The following STPG2 variants were observed in gnomAD, a reference collection of about 807,000 sequenced individuals.
STPG2 encodes the protein sperm tail PG-rich repeat containing 2.
A neutral mutation model predicts 54.2 loss-of-function variants in STPG2; 56 were observed. That is an observed-to-expected ratio of 1.03 (90% CI 0.83 to 1.29). The LOEUF is 1.29. Among genes scored for constraint, STPG2 ranks in the 50% most tolerant of loss-of-function variants. The pLI is 0.00. For missense variants in STPG2, 596 were observed against 544.9 expected (o/e 1.09, Z -0.93); for synonymous variants, 200 against 181.8 (o/e 1.10, Z -0.81).
chr4:97,445,128 G>A (rs750055876), intron 4 of STPG2, among the ~76,000 whole-genome samples: 2 of 152,046 alleles, frequency 1.3e-5, no homozygotes, highest in African/African-American at 2.4e-5. Context: ...ATAAGTTGAG[G>A]CTGTGGTTTT....
chr4:97,507,267 C>T (rs914246752), intron 4 of STPG2, among the ~76,000 whole-genome samples: 2 of 151,884 alleles, frequency 1.3e-5, no homozygotes, highest in African/African-American at 4.8e-5. Flanking sequence ...ACTTTAACAC[C>T]AGAATTATGA....
At chr4:97,519,953 C>CTTAT (rs1731148800) in intron 4 of STPG2, among the ~76,000 whole-genome samples, 4 of 151,896 alleles carry the variant, frequency 2.6e-5, no homozygotes, top group African/African-American at 4.8e-5. Flanking sequence ...GTTGTGTAAC[C>CTTAT]TTGAGTAAGT....
At chr4:97,907,027 C>T (rs1233329239) in intron 8 of STPG2, among the ~76,000 whole-genome samples, 1 of 150,952 alleles carries the variant, frequency 6.6e-6, no homozygotes, top group African/African-American at 2.4e-5. Context: ...GGCAATTAGG[C>T]AGGAGAAGGA....
At chr4:97,542,887 C>T (rs1731750343) in intron 4 of STPG2, among the ~76,000 whole-genome samples, 1 of 152,084 alleles carries the variant, frequency 6.6e-6, no homozygotes, top group South Asian at 2.1e-4. Flanking sequence ...AAAAACCTAA[C>T]ACCGCATGTT....
intron 8 of STPG2, among the ~76,000 whole-genome samples, chr4:97,885,058 G>T (rs1260843166): frequency 6.6e-6 from 1 of 152,110 alleles, no homozygotes; most frequent in Non-Finnish European, 1.5e-5. Flanking sequence ...ATATGTCTGG[G>T]TTTGATTAAA....
At chr4:97,909,532 C>A (rs1323801817) in intron 8 of STPG2, among the ~76,000 whole-genome samples, 1 of 151,848 alleles carries the variant, frequency 6.6e-6, no homozygotes. Flanking sequence ...CCAATGCATC[C>A]CACAAAAATA....
rs1739293703 is a variant in STPG2 at position 98,109,806 on chromosome 4, T to C, written c.388-501A>G. Among the ~76,000 whole-genome samples the C allele has an allele frequency of 2.0e-5, 3 of 152,294 alleles. No individual in the cohort carries two copies. In the South Asian group the frequency reaches 6.2e-4, roughly 32 times the overall value. On this transcript the variant is annotated intron_variant, in intron 3 of 10. Coordinates refer to ENST00000295268, the MANE Select transcript of STPG2 (RefSeq NM_174952.3). ...AACAATAAATTAAACACTACCCTAG[T>C]TCATTTTATTGCTAATGCTTAAAGA...
intron 10 of STPG2, among the ~76,000 whole-genome samples, chr4:97,575,511 A>G (rs1206037557): frequency 6.6e-6 from 1 of 152,160 alleles, no homozygotes; most frequent in Non-Finnish European, 1.5e-5. Context: ...ACAAAATTAA[A>G]AACAAAAACC....
At chr4:97,511,028 A>C (rs1398790434) in intron 4 of STPG2, among the ~76,000 whole-genome samples, 1 of 152,138 alleles carries the variant, frequency 6.6e-6, no homozygotes, top group Non-Finnish European at 1.5e-5. Flanking sequence ...ATTAATCCAA[A>C]AGAAAGAGAA....
At chr4:97,841,070 C>A in intron 8 of STPG2, 138 bp from the exon 9 acceptor site, 1 of 875,696 alleles carries the variant, frequency 1.1e-6, no homozygotes, top group Non-Finnish European at 1.6e-6. Context: ...AAAATAGAAA[C>A]TTAAAAAGGA....
intron 10 of STPG2, among the ~76,000 whole-genome samples, chr4:97,568,883 CTTTTGTTTTTTG>C (rs998348372): frequency 1.4e-4 from 20 of 145,564 alleles, no homozygotes; most frequent in African/African-American, 3.0e-4. Context: ...TCTTTTCTTT[CTTTTGTTTTTTG>C]TTTTGTTTTT....
intron 9 of STPG2, among the ~76,000 whole-genome samples, chr4:97,807,033 T>C (rs376604080): frequency 3.3e-5 from 5 of 152,058 alleles, no homozygotes; most frequent in Non-Finnish European, 4.4e-5. Context: ...GTTGCTTGAT[T>C]TTCTGTGTTA....
rs1279351780 is a variant in STPG2 at position 97,750,010 on chromosome 4, A to G, written c.1205-37196T>C. On this transcript the variant is annotated intron_variant, in intron 9 of 10. Coordinates refer to ENST00000295268, the MANE Select transcript of STPG2 (RefSeq NM_174952.3). ...AAACTACTTTATATGTTATTTTCTC[A>G]GGTTAAAGCCTTCCAAAACCATGCA... Among the ~76,000 whole-genome samples the G allele has an allele frequency of 2.6e-5, 4 of 151,844 alleles. No individual in the cohort carries two copies. In the East Asian group the frequency reaches 7.7e-4, roughly 29 times the overall value.
chr4:97,873,277 AAC>A (rs918267030), intron 8 of STPG2, among the ~76,000 whole-genome samples: 5 of 150,806 alleles, frequency 3.3e-5, no homozygotes, highest in African/African-American at 1.2e-4. Flanking sequence ...AATAATAAGA[AAC>A]AGTTTCCATT....
intron 10 of STPG2, among the ~76,000 whole-genome samples, chr4:97,601,044 T>C (rs942442126): frequency 6.6e-6 from 1 of 151,982 alleles, no homozygotes; most frequent in Non-Finnish European, 1.5e-5. Flanking sequence ...ATGAAAGTGA[T>C]TGGGATAGGA....
intron 8 of STPG2, among the ~76,000 whole-genome samples, chr4:97,923,954 G>A (rs953173135): frequency 6.6e-6 from 1 of 152,206 alleles, no homozygotes; most frequent in African/African-American, 2.4e-5. Flanking sequence ...GGCCAGATAA[G>A]AGAATAAAAG....
intron 9 of STPG2, among the ~76,000 whole-genome samples, chr4:97,820,606 AT>A (rs1728055347): frequency 6.6e-6 from 1 of 152,240 alleles, no homozygotes; most frequent in Non-Finnish European, 1.5e-5. Flanking sequence ...CTATAAAAAT[AT>A]ACCTGAGACT....
chr4:97,643,768 T>C (rs1721829606), intron 10 of STPG2, among the ~76,000 whole-genome samples: 1 of 151,830 alleles, frequency 6.6e-6, no homozygotes, highest in African/African-American at 2.4e-5. Context: ...AAAGGGACTT[T>C]ATATTACGAG....
At chr4:97,892,319 C>T (rs1274446557) in intron 8 of STPG2, among the ~76,000 whole-genome samples, 1 of 151,952 alleles carries the variant, frequency 6.6e-6, no homozygotes, top group Admixed American at 6.6e-5. Flanking sequence ...TGTGTGAAGC[C>T]CTGTGAGCTC....
Sources: allele counts gnomAD v4.1 joint callset (sites outside exome capture counted in the v4.1 genomes callset), GRCh38; gene constraint gnomAD v4.1.1; transcripts MANE v1.5; gene names NCBI Gene and HGNC (gene_info 2026-07-23, HGNC 2026-07-21).